The following KCNQ5 variants were observed in gnomAD, a reference collection of about 807,000 sequenced individuals.
The protein encoded by KCNQ5 is potassium voltage-gated channel subfamily KQT member 5.
In KCNQ5, 30 loss-of-function variants were observed where a neutral mutation model predicts 98.2. The ratio of observed to expected loss-of-function variants is 0.31; its 90% CI spans 0.23 to 0.41. The LOEUF is 0.41. Ranked by LOEUF, KCNQ5 falls within the 10% of genes least tolerant of loss-of-function variation. KCNQ5 has a pLI of 1.00. For synonymous variants in KCNQ5, 458 were observed against 449.4 expected (o/e 1.02, Z -0.24); for missense variants, 835 against 1,182.5 (o/e 0.71, Z 4.31).
rs1173388424 is a variant in KCNQ5 at position 72,767,154 on chromosome 6, T to A, written c.398+144567T>A. Among the ~76,000 whole-genome samples the A allele has an allele frequency of 2.0e-5, 3 of 151,978 alleles. No individual in the cohort carries two copies. In the East Asian group the frequency reaches 5.8e-4, roughly 29 times the overall value. ...CAACAATAAGTTTGTAGGAAAGGAA[T>A]GAAGAGTTGTCTTTTGGTATGTTAA... On this transcript the variant is annotated intron_variant, in intron 1 of 13. Coordinates refer to ENST00000370398, the MANE Select transcript of KCNQ5 (RefSeq NM_019842.4).
intron 3 of KCNQ5, among the ~76,000 whole-genome samples, chr6:73,061,310 C>T (rs897177262): frequency 1.5e-4 from 23 of 152,006 alleles, no homozygotes; most frequent in Non-Finnish European, 2.8e-4. Flanking sequence ...TGAATGGAAA[C>T]GGGTAGGAGT....
At chr6:72,921,850 A>T (rs1445282756) in intron 1 of KCNQ5, among the ~76,000 whole-genome samples, 1 of 152,196 alleles carries the variant, frequency 6.6e-6, no homozygotes, top group African/African-American at 2.4e-5. Context: ...TAACTCACTG[A>T]ATCACTGAAC....
At chr6:72,981,479 G>C (rs556271484) in intron 1 of KCNQ5, among the ~76,000 whole-genome samples, 2 of 144,224 alleles carry the variant, frequency 1.4e-5, no homozygotes, top group Non-Finnish European at 3.0e-5. Flanking sequence ...ATGGTAGTTT[G>C]TATTTCTGTG....
At chr6:72,750,296 T>A (rs1286817370) in intron 1 of KCNQ5, among the ~76,000 whole-genome samples, 1 of 152,082 alleles carries the variant, frequency 6.6e-6, no homozygotes, top group Non-Finnish European at 1.5e-5. Flanking sequence ...TAGAATTAAG[T>A]GTTAATTATT....
At chr6:72,913,419 G>T (rs1780019985) in intron 1 of KCNQ5, among the ~76,000 whole-genome samples, 1 of 152,106 alleles carries the variant, frequency 6.6e-6, no homozygotes, top group Admixed American at 6.6e-5. Flanking sequence ...TTTGTATTCT[G>T]AGGACCAATG....
intron 1 of KCNQ5, among the ~76,000 whole-genome samples, chr6:72,740,624 C>A (rs984840776): frequency 6.6e-6 from 1 of 151,992 alleles, no homozygotes; most frequent in Admixed American, 6.5e-5. Context: ...GTTGTATTCA[C>A]CCAGCCCATA....
intron 1 of KCNQ5, among the ~76,000 whole-genome samples, chr6:72,884,882 T>C (rs1167957273): frequency 6.6e-6 from 1 of 152,164 alleles, no homozygotes; most frequent in Non-Finnish European, 1.5e-5. Flanking sequence ...CCTCCCAAAT[T>C]GCTGGGATTA....
At chr6:72,839,861 A>G (rs1241808180) in intron 1 of KCNQ5, among the ~76,000 whole-genome samples, 1 of 152,214 alleles carries the variant, frequency 6.6e-6, no homozygotes, top group Admixed American at 6.5e-5. Context: ...TATTAGCTCT[A>G]GTCACCATGT....
Position 73,001,339 on chromosome 6 carries a change from T to C in KCNQ5, c.399-2569T>C, listed in dbSNP as rs556292166. Among the ~76,000 whole-genome samples, 10 of 152,348 alleles carry C rather than the reference T, an allele frequency of 6.6e-5. No homozygotes were observed. In the South Asian group the frequency reaches 2.1e-3, roughly 32 times the overall value. On this transcript the variant is annotated intron_variant, in intron 1 of 13. Transcript: ENST00000370398. ...TGTAGACCATTCCTGAAAATCCATT[T>C]TTGGCATAGGAATTATTTCAACACA... is the stretch of plus-strand genomic sequence containing the variant.
intron 1 of KCNQ5, among the ~76,000 whole-genome samples, chr6:72,961,576 C>G (rs1390277654): frequency 6.9e-6 from 1 of 144,278 alleles, no homozygotes; most frequent in East Asian, 2.1e-4. Flanking sequence ...GAGCTGAGAT[C>G]GCGCCACTGC....
intron 10 of KCNQ5, among the ~76,000 whole-genome samples, chr6:73,166,643 G>A (rs1777812359): frequency 6.6e-6 from 1 of 152,118 alleles, no homozygotes; most frequent in African/African-American, 2.4e-5. Flanking sequence ...CACAAATCAG[G>A]TGGCTTGAAA....
rs1413785534 is a variant in KCNQ5, at chr6:73,169,822, C to G, written c.1545C>G (p.Thr515=). 4 of 1,612,682 alleles carry G rather than the reference C, an allele frequency of 2.5e-6. No homozygotes were observed. The African/African-American group carries it at 4.0e-5, about 16-fold the overall frequency. ...GTGATGTATCAGTGGAAGACCTCACCCCACCACTTAAAACTGTCATTCGAG... is the reference window on the plus strand; with the variant it reads ...GTGATGTATCAGTGGAAGACCTCACGCCACCACTTAAAACTGTCATTCGAG... The part of the protein sequence containing the change: ...CQCDVSVEDL[T]PPLKTVIRAI... The change falls in exon 11 of 14, where the codon ACC becomes ACG. Residue 515 remains threonine, a synonymous_variant. Coordinates refer to ENST00000370398, the MANE Select transcript of KCNQ5 (RefSeq NM_019842.4).
At chr6:73,125,908 T>C (rs1582405420) in intron 9 of KCNQ5, among the ~76,000 whole-genome samples, 1 of 152,064 alleles carries the variant, frequency 6.6e-6, no homozygotes, top group African/African-American at 2.4e-5. Context: ...CTTCCCCACC[T>C]AAGAAACGTT....
chr6:72,828,161 G>T (rs1562009189), intron 1 of KCNQ5, among the ~76,000 whole-genome samples: 1 of 152,234 alleles, frequency 6.6e-6, no homozygotes, highest in Middle Eastern at 3.4e-3. Context: ...GACTGGTAGT[G>T]TGGTACCACC....
At chr6:72,801,969 G>T (rs1774685233) in intron 1 of KCNQ5, among the ~76,000 whole-genome samples, 1 of 152,110 alleles carries the variant, frequency 6.6e-6, no homozygotes, top group South Asian at 2.1e-4. Flanking sequence ...CTCTCTTCTG[G>T]CTTGTAGGGT....
chr6:72,642,268 T>A (rs773374865), intron 1 of KCNQ5, among the ~76,000 whole-genome samples: 40 of 151,888 alleles, frequency 2.6e-4, no homozygotes, highest in Non-Finnish European at 4.7e-4. Flanking sequence ...TGTTTTGTTT[T>A]TTAAAATGAG....
chr6:72,714,250 G>A (rs75298955), intron 1 of KCNQ5, among the ~76,000 whole-genome samples: 2,029 of 152,178 alleles, frequency 0.013, 34 homozygotes, highest in African/African-American at 0.042. Flanking sequence ...CATATCAACT[G>A]CTATGTTTGT....
chr6:73,197,969 A>G lies in KCNQ5; in HGVS notation c.*2555A>G, dbSNP rs984670438. On this transcript the variant is annotated 3_prime_UTR_variant, in exon 14 of 14. Transcript: ENST00000370398. Reference sequence around the variant, plus strand: ...TGAAAAACTTTTATACATTGAAGCCATGACCATTTTGTGTCTATCTTACTC... The same window carrying G: ...TGAAAAACTTTTATACATTGAAGCCGTGACCATTTTGTGTCTATCTTACTC... The G allele has an allele frequency of 1.3e-5, 2 of 152,360 alleles. No individual in the cohort carries two copies. The highest frequency in any genetic ancestry group is 2.9e-5 in the Non-Finnish European group (2 of 68,032). The allele number at this position is 152,360 out of a possible 1,614,324, so 9.4% of individuals were successfully genotyped here.
At chr6:72,871,804 A>T (rs1045535645) in intron 1 of KCNQ5, among the ~76,000 whole-genome samples, 2 of 152,146 alleles carry the variant, frequency 1.3e-5, no homozygotes, top group African/African-American at 4.8e-5. Flanking sequence ...TCTGAGTATT[A>T]GTCCAAGGAT....
Sources: gnomAD v4.1 joint callset for allele counts (sites outside exome capture counted in the v4.1 genomes callset) on GRCh38, gnomAD v4.1.1 for gene constraint, MANE v1.5 for transcripts, NCBI Gene and HGNC (gene_info 2026-07-23, HGNC 2026-07-21) for gene names.